SLC29A4: variants seen among roughly 807,000 people sequenced by gnomAD.
SLC29A4 encodes the protein equilibrative nucleoside transporter 4.
SLC29A4 carries 36 observed loss-of-function variants against 43.9 expected under a neutral mutation model. The ratio of observed to expected loss-of-function variants is 0.82; its 90% CI spans 0.63 to 1.08. The LOEUF (loss-of-function observed/expected upper bound fraction) is 1.08, where lower values mean the gene tolerates loss of function less well. Ranked by LOEUF, SLC29A4 falls within the 50% of genes least tolerant of loss-of-function variation. SLC29A4 has a pLI of 0.00. For missense variants in SLC29A4, 869 were observed against 755.3 expected, an observed-to-expected ratio of 1.15 and a Z score of -1.77; for synonymous variants, 491 against 338.0, an observed-to-expected ratio of 1.45 and a Z score of -4.97.
intron 5 of SLC29A4, among the ~76,000 whole-genome samples, chr7:5,293,445 C>G (rs1482246665): frequency 6.6e-6 from 1 of 152,180 alleles, no homozygotes; most frequent in Non-Finnish European, 1.5e-5. Flanking sequence ...GCTAGGATTA[C>G]AGGCGTGAGC....
Position 5,303,241 on chromosome 7 carries a change from ACT to A in SLC29A4, c.*305_*306del. The stretch of plus-strand genomic sequence containing the variant: ...CGGCCCCGGCTCCAGCCCAGCCAGC[ACT>A]CTGCAGGGTCACACGCACCGTGTCC... On this transcript the variant is annotated 3_prime_UTR_variant, in exon 11 of 11. Transcript: ENST00000396872. The A allele has an allele frequency of 2.0e-6, 1 of 492,682 alleles. No homozygotes were observed. The highest frequency in any genetic ancestry group is 3.7e-6 in the Non-Finnish European group (1 of 272,592). The allele number at this position is 492,682 out of a possible 1,614,324, so 30.5% of individuals were successfully genotyped here.
intron 5 of SLC29A4, among the ~76,000 whole-genome samples, chr7:5,292,992 C>G (rs1454824176): frequency 1.3e-5 from 2 of 151,340 alleles, no homozygotes; most frequent in African/African-American, 4.9e-5. Context: ...AGCCACCGCA[C>G]CCCGCCCCGA....
chr7:5,298,433 G>T (rs965490373), intron 7 of SLC29A4, among the ~76,000 whole-genome samples: 7 of 152,188 alleles, frequency 4.6e-5, no homozygotes, highest in African/African-American at 1.2e-4. Flanking sequence ...AGATGCTCTG[G>T]TTGGTTTGGT....
At position 5,300,577 on chromosome 7, in the gene SLC29A4, C is replaced by T. The variant is rs138052957; in HGVS notation, c.1365C>T (p.Leu455=). The T allele has an allele frequency of 8.1e-5, 131 of 1,612,266 alleles. No individual in the cohort carries two copies. The African/African-American group carries it at 1.2e-3, about 15-fold the overall frequency. ...HPAWPCIFSL[L]MGISNGYFGS... ...CCTGGCCCTGCATCTTCTCACTGCT[C>T]ATGGGCATCAGCAACGGCTACTTCG... is the stretch of plus-strand genomic sequence containing the variant. The change falls in exon 10 of 11, where the codon CTC becomes CTT. Residue 455 remains leucine, a synonymous_variant. Transcript: ENST00000396872.
intron 6 of SLC29A4, among the ~76,000 whole-genome samples, chr7:5,296,053 G>A (rs1785634522): frequency 6.6e-6 from 1 of 151,954 alleles, no homozygotes; most frequent in Non-Finnish European, 1.5e-5. Flanking sequence ...TCCCGGCCTC[G>A]TGACCCTAAT....
intron 5 of SLC29A4, among the ~76,000 whole-genome samples, chr7:5,292,377 G>A (rs1370097412): frequency 6.6e-6 from 1 of 152,140 alleles, no homozygotes; most frequent in Non-Finnish European, 1.5e-5. Context: ...GTCTTCCAAA[G>A]TGCTGGTATT....
rs1437630360 is a variant in SLC29A4 at position 5,296,957 on chromosome 7, C to T, written c.641C>T (p.Ser214Phe). ...TGESTAGVMI[S>F]LSRILTKLLL... ...CCAGGCACGGCGGGCGTGATGATCT[C>T]TCTGAGCCGCATCCTCACGAAGCTG... Residue 214 changes from serine (S) to phenylalanine (F), a missense_variant, in exon 7 of 11, where the codon TCT becomes TTT. Transcript: ENST00000396872. The T allele has an allele frequency of 3.2e-6, 5 of 1,582,618 alleles. No individual in the cohort carries two copies. Among genetic ancestry groups the T allele is most frequent in the Non-Finnish European group, 4.3e-6 (5 of 1,167,392 alleles).
intron 2 of SLC29A4, among the ~76,000 whole-genome samples, chr7:5,289,125 G>A (rs1263224458): frequency 6.6e-6 from 1 of 152,174 alleles, no homozygotes; most frequent in African/African-American, 2.4e-5. Context: ...GGCTCGGCAC[G>A]GTGGCTCATG....
chr7:5,297,492 T>C (rs6463374), intron 7 of SLC29A4, among the ~76,000 whole-genome samples: 85,065 of 151,804 alleles, frequency 0.56, 24,093 homozygotes, highest in South Asian at 0.73. Flanking sequence ...CCCCTGTCCT[T>C]AGTGACACTC....
intron 4 of SLC29A4, 138 bp downstream of exon 4, chr7:5,291,375 C>G (rs1583657518): frequency 1.7e-6 from 1 of 571,884 alleles, no homozygotes; most frequent in Non-Finnish European, 2.5e-6. Flanking sequence ...GCCCTGAGGT[C>G]TGGTGTAAGA....
In SLC29A4 at chr7:5,297,214, C is replaced by A; in HGVS notation, c.882+16C>A. ...CGTCCACTTCGTAAGTGCGCACCGC[C>A]CACCTCTGTTCCCTTCTCTGTCCCC... On this transcript the variant is annotated intron_variant, in intron 7 of 10. Coordinates refer to ENST00000396872, the MANE Select transcript of SLC29A4 (RefSeq NM_153247.4). The A allele has an allele frequency of 6.4e-7, 1 of 1,567,884 alleles. No individual in the cohort carries two copies.
chr7:5,293,684 G>A (rs920263560), intron 5 of SLC29A4, among the ~76,000 whole-genome samples: 5 of 151,432 alleles, frequency 3.3e-5, no homozygotes, highest in South Asian at 2.1e-4. Flanking sequence ...TCACTCTGTC[G>A]CCCAGGCTGG....
rs765403307 is a variant in SLC29A4, at chr7:5,291,789, C to G, written c.512C>G (p.Ala171Gly). 4.3e-6 allele frequency: 7 copies of G among 1,611,956 alleles called. No individual in the cohort carries two copies. The South Asian group carries it at 7.7e-5, about 18-fold the overall frequency. The change falls in exon 5 of 11, where the codon GCC becomes GGC. Residue 171 changes from alanine (A) to glycine (G), a missense_variant. Coordinates refer to ENST00000396872, the MANE Select transcript of SLC29A4 (RefSeq NM_153247.4). ...SRDQAYAINLAAVGTVAFGCT... is the reference protein window; with the variant it reads ...SRDQAYAINLGAVGTVAFGCT... ...GACCAGGCCTACGCCATCAACCTGG[C>G]CGCTGTGGGCACCGTGGCCTTCGGC...
At chr7:5,293,601 A>G (rs1785453528) in intron 5 of SLC29A4, among the ~76,000 whole-genome samples, 1 of 152,032 alleles carries the variant, frequency 6.6e-6, no homozygotes, top group Admixed American at 6.6e-5. Flanking sequence ...AATACTCCCA[A>G]TACTACTGTT....
chr7:5,285,870 G>C (rs185301163), intron 1 of SLC29A4, among the ~76,000 whole-genome samples: 1 of 152,162 alleles, frequency 6.6e-6, no homozygotes, highest in East Asian at 1.9e-4. Context: ...AAAATTAGCC[G>C]GGCCTGGTGG....
chr7:5,297,896 C>T (rs1048932830), intron 7 of SLC29A4, among the ~76,000 whole-genome samples: 2 of 152,272 alleles, frequency 1.3e-5, no homozygotes, highest in Middle Eastern at 3.4e-3. Flanking sequence ...CACAGACAGC[C>T]CCTGCCAGGA....
In SLC29A4 at chr7:5,296,946, C is replaced by T. The variant is rs1447966963; in HGVS notation, c.630C>T (p.Gly210=). The T allele has an allele frequency of 6.4e-7, 1 of 1,558,742 alleles. No homozygotes were observed. ...QGVMTGESTA[G]VMISLSRILT... ...GTGCACGCCCCCCAGGCACGGCGGG[C>T]GTGATGATCTCTCTGAGCCGCATCC... Residue 210 remains glycine (G), a synonymous_variant, in exon 7 of 11, where the codon GGC becomes GGT. Coordinates refer to ENST00000396872, the MANE Select transcript of SLC29A4 (RefSeq NM_153247.4).
At chr7:5,287,023 C>A (rs1364073469) in intron 1 of SLC29A4, among the ~76,000 whole-genome samples, 1 of 152,228 alleles carries the variant, frequency 6.6e-6, no homozygotes, top group Non-Finnish European at 1.5e-5. Context: ...TGCCACCATG[C>A]AGGCCACCTT....
intron 7 of SLC29A4, among the ~76,000 whole-genome samples, chr7:5,297,882 C>G (rs1382185500): frequency 2.6e-5 from 4 of 152,146 alleles, no homozygotes; most frequent in Non-Finnish European, 5.9e-5. Flanking sequence ...TACGGGGTCC[C>G]CAGCACAGAC....
Sources: allele counts gnomAD v4.1 joint callset (sites outside exome capture counted in the v4.1 genomes callset), GRCh38; gene constraint gnomAD v4.1.1; transcripts MANE v1.5; gene names NCBI Gene and HGNC (gene_info 2026-07-23, HGNC 2026-07-21).